NOVA1: variants seen among roughly 807,000 people sequenced by gnomAD.
The protein encoded by NOVA1 is NOVA alternative splicing regulator 1, also known as RNA-binding protein Nova-1.
NOVA1 carries 7 observed loss-of-function variants against 38.0 expected under a neutral mutation model. The ratio of observed to expected loss-of-function variants is 0.18; its 90% CI spans 0.10 to 0.35. NOVA1 has a LOEUF of 0.35. Among genes scored for constraint, NOVA1 ranks in the 10% least tolerant of loss-of-function variants. NOVA1 has a pLI of 1.00. For missense variants in NOVA1, 460 were observed against 616.0 expected (o/e 0.75, Z 2.68); for synonymous variants, 270 against 232.5 (o/e 1.16, Z -1.47).
chr14:26,503,997 T>A (rs1312152376), intron 2 of NOVA1, among the ~76,000 whole-genome samples: 1 of 152,162 alleles, frequency 6.6e-6, no homozygotes, highest in African/African-American at 2.4e-5. Context: ...AATAAAATCA[T>A]AAATCTCTCT....
intron 2 of NOVA1, among the ~76,000 whole-genome samples, chr14:26,589,508 T>C (rs1893717160): frequency 6.6e-6 from 1 of 151,790 alleles, no homozygotes. Flanking sequence ...ACCTGTCCTG[T>C]TTGTTGGAAC....
intron 2 of NOVA1, among the ~76,000 whole-genome samples, chr14:26,561,371 T>G (rs1876632108): frequency 6.6e-6 from 1 of 152,252 alleles, no homozygotes; most frequent in African/African-American, 2.4e-5. Flanking sequence ...CTTTGAACTC[T>G]CTTGATTTTG....
chr14:26,489,482 C>T (rs913324622), intron 2 of NOVA1, among the ~76,000 whole-genome samples: 4 of 151,202 alleles, frequency 2.6e-5, no homozygotes, highest in Middle Eastern at 6.9e-3. Context: ...GAAATTTAAG[C>T]GTATATGTAA....
Position 26,445,423 on chromosome 14 carries a change from A to G in NOVA1, c.*2536T>C, listed in dbSNP as rs1881994654. On this transcript the variant is annotated 3_prime_UTR_variant, in exon 5 of 5. Coordinates refer to ENST00000539517, the MANE Select transcript of NOVA1 (RefSeq NM_002515.3). The stretch of plus-strand genomic sequence containing the variant: ...CATAAATTAAAATGTAATATCTTCA[A>G]TTTAGCTTTCAGTTTTAACTAACAT... The G allele has an allele frequency of 6.6e-6, 1 of 152,214 alleles. No homozygotes were observed. The highest frequency in any genetic ancestry group is 2.4e-5 in the African/African-American group (1 of 41,466). The allele number at this position is 152,214 out of a possible 1,614,324, so 9.4% of individuals were successfully genotyped here. A position where few individuals can be genotyped will look rare whatever the true frequency, so the allele number is the denominator to read the frequency against.
intron 2 of NOVA1, among the ~76,000 whole-genome samples, chr14:26,514,914 T>A (rs1454310134): frequency 1.3e-5 from 2 of 151,904 alleles, no homozygotes; most frequent in Non-Finnish European, 3.0e-5. Context: ...AGTATATTTC[T>A]TTCATTTTCT....
intron 3 of NOVA1, among the ~76,000 whole-genome samples, chr14:26,473,325 T>C (rs1884735275): frequency 6.6e-6 from 1 of 151,790 alleles, no homozygotes; most frequent in Non-Finnish European, 1.5e-5. Flanking sequence ...TTTTTTTAAG[T>C]GTCATATGCT....
chr14:26,519,240 T>C (rs1888697842), intron 2 of NOVA1: 1 of 152,156 alleles, frequency 6.6e-6, no homozygotes, highest in African/African-American at 2.4e-5. Context: ...TGTATTAAGT[T>C]ACACTCACAA....
intron 2 of NOVA1, among the ~76,000 whole-genome samples, chr14:26,501,090 T>A (rs1887213414): frequency 6.6e-6 from 1 of 152,036 alleles, no homozygotes; most frequent in African/African-American, 2.4e-5. Flanking sequence ...TTATAGAGCA[T>A]CTTCTCCAAA....
chr14:26,448,293 C>T lies in NOVA1; in HGVS notation c.1190G>A (p.Gly397Glu). Residue 397 changes from glycine (G) to glutamate (E), a missense_variant, in exon 5 of 5, where the codon GGA (glycine) becomes GAA (glutamate). Coordinates refer to ENST00000539517, the MANE Select transcript of NOVA1 (RefSeq NM_002515.3). This position sits in a 1 kb window ranked among gnomAD's most constrained non-coding sequence, Gnocchi z 5.3. ...SLAAATAATNGYFGAASPLAA... is the reference protein window; with the variant it reads ...SLAAATAATNEYFGAASPLAA... Reference sequence around the variant, plus strand: ...TAGGGGAGAAGCAGCTCCAAAATATCCATTGGTTGCAGCAGTAGCAGCAGC... The same window carrying T: ...TAGGGGAGAAGCAGCTCCAAAATATTCATTGGTTGCAGCAGTAGCAGCAGC... The T allele has an allele frequency of 6.2e-7, 1 of 1,614,146 alleles. No individual in the cohort carries two copies. The highest frequency in any genetic ancestry group is 8.5e-7 in the Non-Finnish European group (1 of 1,180,020).
chr14:26,560,408 G>A (rs1203810136), intron 2 of NOVA1, among the ~76,000 whole-genome samples: 1 of 152,078 alleles, frequency 6.6e-6, no homozygotes, highest in African/African-American at 2.4e-5. Context: ...AATTTCCTGA[G>A]GCTTTTGGGG....
At chr14:26,518,984 G>A (rs1295347852) in intron 2 of NOVA1, among the ~76,000 whole-genome samples, 1 of 151,954 alleles carries the variant, frequency 6.6e-6, no homozygotes, top group East Asian at 1.9e-4. Context: ...AGTTGCTTCA[G>A]AAGGAAATAC....
At chr14:26,597,120 G>A in intron 1 of NOVA1, 181 bp downstream of exon 1, 1 of 1,230,766 alleles carries the variant, frequency 8.1e-7, no homozygotes. Flanking sequence ...GGGACACCTA[G>A]GCGCGGGGCA....
intron 2 of NOVA1, among the ~76,000 whole-genome samples, chr14:26,542,998 A>T (rs1890564033): frequency 6.6e-6 from 1 of 151,954 alleles, no homozygotes; most frequent in Admixed American, 6.6e-5. Context: ...ACTGAGTTAA[A>T]AAGTAATAAT....
chr14:26,542,869 G>C (rs1890556952), intron 2 of NOVA1, among the ~76,000 whole-genome samples: 1 of 151,746 alleles, frequency 6.6e-6, no homozygotes, highest in Non-Finnish European at 1.5e-5. Context: ...GTTAGCTACA[G>C]AGACTGAAAT....
chr14:26,482,754 G>C (rs146687763), intron 2 of NOVA1, among the ~76,000 whole-genome samples: 1 of 152,106 alleles, frequency 6.6e-6, no homozygotes, highest in African/African-American at 2.4e-5. Flanking sequence ...CTGGAGTGCA[G>C]TGGTGAGATC....
chr14:26,470,129 A>ATT (rs1407361129), intron 4 of NOVA1: 1 of 655,040 alleles, frequency 1.5e-6, no homozygotes, highest in Admixed American at 5.5e-5. Context: ...AGTTTTCTGT[A>ATT]TTTTTTATTT....
At chr14:26,473,207 TATA>T (rs948313059) in intron 3 of NOVA1, among the ~76,000 whole-genome samples, 13 of 151,024 alleles carry the variant, frequency 8.6e-5, no homozygotes, top group African/African-American at 2.4e-4. Context: ...ACTATATATA[TATA>T]ATATGTTGTA....
intron 2 of NOVA1, among the ~76,000 whole-genome samples, chr14:26,543,080 G>A (rs1039407995): frequency 5.9e-5 from 9 of 152,006 alleles, no homozygotes; most frequent in Non-Finnish European, 1.3e-4. Flanking sequence ...AGTGCTTGAG[G>A]TGATGGATAT....
intron 2 of NOVA1, among the ~76,000 whole-genome samples, chr14:26,516,416 C>T (rs1173649442): frequency 1.3e-5 from 2 of 151,952 alleles, no homozygotes; most frequent in Non-Finnish European, 2.9e-5. Flanking sequence ...TTTTATGTAC[C>T]ACTTTAATGT....
Sources: gnomAD v4.1 joint callset for allele counts (sites outside exome capture counted in the v4.1 genomes callset) on GRCh38, gnomAD v4.1.1 for gene constraint, Gnocchi (gnomAD v3.1) non-coding constraint, MANE v1.5 for transcripts, NCBI Gene and HGNC (gene_info 2026-07-23, HGNC 2026-07-21) for gene names.